Variants in DLC1 observed in about 807,000 individuals in gnomAD.
DLC1 encodes DLC1 Rho GTPase activating protein, also known as rho GTPase-activating protein 7.
DLC1 carries 54 observed loss-of-function variants against 140.3 expected under a neutral mutation model. That is an observed-to-expected ratio of 0.38 (90% CI 0.31 to 0.48). The LOEUF (loss-of-function observed/expected upper bound fraction) is 0.48, where lower values mean the gene tolerates loss of function less well. Ranked by LOEUF, DLC1 falls within the 20% of genes least tolerant of loss-of-function variation. The pLI is 0.96. For missense variants in DLC1, 2,536 were observed against 1,907.0 expected, an observed-to-expected ratio of 1.33 and a Z score of -6.14; for synonymous variants, 986 against 728.1, an observed-to-expected ratio of 1.35 and a Z score of -5.70.
chr8:13,555,577 C>T (rs548583721), intron 1 of DLC1, among the ~76,000 whole-genome samples: 31 of 152,074 alleles, frequency 2.0e-4, no homozygotes, highest in African/African-American at 7.5e-4. Context: ...CTGCAATCTC[C>T]TCCTCCTGGG....
chr8:13,381,152 T>G (rs1836234004), intron 4 of DLC1, among the ~76,000 whole-genome samples: 1 of 152,154 alleles, frequency 6.6e-6, no homozygotes, highest in Admixed American at 6.5e-5. Context: ...TAGTATGAGC[T>G]AAATTCTTAA....
intron 2 of DLC1, among the ~76,000 whole-genome samples, chr8:13,479,838 GA>G (rs756551119): frequency 0.038 from 829 of 21,704 alleles, 75 homozygotes; most frequent in African/African-American, 0.085. Flanking sequence ...AGAAGAAGAA[GA>G]AGAAGAAGAA....
chr8:13,102,729 T>A, intron 8 of DLC1, 61 bp downstream of exon 8: 1 of 1,413,772 alleles, frequency 7.1e-7, no homozygotes, highest in Admixed American at 1.7e-5. Context: ...ACAAAACACA[T>A]CATTCACTTT....
chr8:13,228,937 A>G (rs1828925137), intron 5 of DLC1, among the ~76,000 whole-genome samples: 1 of 152,198 alleles, frequency 6.6e-6, no homozygotes, highest in Admixed American at 6.5e-5. Flanking sequence ...ACAGATTATA[A>G]CAAGTGTTGG....
chr8:13,215,357 G>C (rs1025291057), intron 5 of DLC1, among the ~76,000 whole-genome samples: 1 of 152,194 alleles, frequency 6.6e-6, no homozygotes, highest in African/African-American at 2.4e-5. Flanking sequence ...AGGCCGAGGT[G>C]CGTGGATCAC....
intron 5 of DLC1, chr8:13,133,039 T>A: frequency 6.3e-7 from 1 of 1,579,766 alleles, no homozygotes; most frequent in East Asian, 2.3e-5. Flanking sequence ...CGGAGGCGGC[T>A]CGGCTTCCGC....
At chr8:13,283,676 G>A (rs1163949237) in intron 5 of DLC1, among the ~76,000 whole-genome samples, 6 of 152,034 alleles carry the variant, frequency 3.9e-5, no homozygotes, top group Non-Finnish European at 8.8e-5. Flanking sequence ...CACTATGCCT[G>A]GCTTATTTTT....
chr8:13,574,432 G>C (rs1001758450), intron 1 of DLC1, among the ~76,000 whole-genome samples: 16 of 151,950 alleles, frequency 1.1e-4, no homozygotes, highest in African/African-American at 3.6e-4. Context: ...AAAGGGGGTT[G>C]GATATCTTTT....
At chr8:13,537,976 G>T (rs191111592) in intron 1 of DLC1, among the ~76,000 whole-genome samples, 1,676 of 152,210 alleles carry the variant, frequency 0.011, 43 homozygotes, top group African/African-American at 0.039. Context: ...CTCTTGAGAG[G>T]TTAATACGTT....
chr8:13,566,859 C>A (rs1804450846), intron 1 of DLC1: 4 of 1,177,498 alleles, frequency 3.4e-6, no homozygotes, highest in Non-Finnish European at 4.6e-6. Flanking sequence ...GCTGGGAAGG[C>A]GTCTCCCGGA....
At chr8:13,150,131 A>G (rs1823701084) in intron 5 of DLC1, among the ~76,000 whole-genome samples, 1 of 147,880 alleles carries the variant, frequency 6.8e-6, no homozygotes, top group African/African-American at 2.5e-5. Context: ...ATGTTTCTCC[A>G]GCCCTCTTAG....
chr8:13,543,965 A>G (rs1174844170), intron 1 of DLC1, among the ~76,000 whole-genome samples: 2 of 152,186 alleles, frequency 1.3e-5, no homozygotes, highest in Non-Finnish European at 2.9e-5. Context: ...CATGCAACCA[A>G]CAACCAGTTG....
At chr8:13,477,073 C>T (rs1229934836) in intron 2 of DLC1, among the ~76,000 whole-genome samples, 3 of 152,130 alleles carry the variant, frequency 2.0e-5, no homozygotes, top group Non-Finnish European at 2.9e-5. Context: ...TTCACCCATC[C>T]GTCTGCTAGA....
chr8:13,230,629 C>T (rs1367939193), intron 5 of DLC1, among the ~76,000 whole-genome samples: 2 of 145,394 alleles, frequency 1.4e-5, no homozygotes, highest in African/African-American at 2.6e-5. Flanking sequence ...TGGGGTCTCA[C>T]TCTGTAGCCC....
chr8:13,156,928 T>G (rs991446467), intron 5 of DLC1, among the ~76,000 whole-genome samples: 1 of 152,064 alleles, frequency 6.6e-6, no homozygotes, highest in Non-Finnish European at 1.5e-5. Flanking sequence ...CCTTTGTGAT[T>G]TTTTTTTCCG....
chr8:13,446,279 G>T (rs1027131452), intron 2 of DLC1, among the ~76,000 whole-genome samples: 6 of 152,276 alleles, frequency 3.9e-5, no homozygotes, highest in African/African-American at 1.4e-4. Flanking sequence ...TAGCAAAATT[G>T]TCGCAAAATT....
Position 13,597,325 on chromosome 8 carries a change from C to T in DLC1, c.-126+7212G>A, listed in dbSNP as rs112320284. ...ATGACAGAAGACGTGATTAGGCCTT[C>T]CAAAGACGTGAACCGTATTGCTTCT... On this transcript the variant is annotated intron_variant, in intron 1 of 1. Coordinates refer to the DLC1 transcript ENST00000631382. 3.0e-3 allele frequency among the ~76,000 whole-genome samples: 462 copies of T among 152,116 alleles called. 2 individuals carry two copies. Among genetic ancestry groups the T allele is most frequent in the Non-Finnish European group, 5.1e-3 (348 of 67,966 alleles).
intron 5 of DLC1, among the ~76,000 whole-genome samples, chr8:13,217,476 G>C (rs963669755): frequency 6.6e-6 from 1 of 152,108 alleles, no homozygotes; most frequent in African/African-American, 2.4e-5. Flanking sequence ...GTTACTAAAT[G>C]CATTGGCTTC....
At chr8:13,215,965 C>G (rs1365355869) in intron 5 of DLC1, among the ~76,000 whole-genome samples, 1 of 152,164 alleles carries the variant, frequency 6.6e-6, no homozygotes, top group Non-Finnish European at 1.5e-5. Context: ...CCCTCTTACC[C>G]ACTCATGGTG....
Sources: allele counts gnomAD v4.1 joint callset (sites outside exome capture counted in the v4.1 genomes callset), GRCh38; gene constraint gnomAD v4.1.1; transcripts MANE v1.5; gene names NCBI Gene and HGNC (gene_info 2026-07-23, HGNC 2026-07-21).